The following RAB38 variants were observed in gnomAD, a reference collection of about 807,000 sequenced individuals.
The protein encoded by RAB38 is RAB38, member RAS oncogene family, also known as ras-related protein Rab-38.
A neutral mutation model predicts 18.4 loss-of-function variants in RAB38; 15 were observed. The ratio of observed to expected loss-of-function variants is 0.82; its 90% CI spans 0.55 to 1.26. The LOEUF is 1.26. Among genes scored for constraint, RAB38 ranks in the 50% most tolerant of loss-of-function variants. The pLI is 0.00. For missense variants in RAB38, 294 were observed against 267.4 expected (o/e 1.10, Z -0.69); for synonymous variants, 101 against 104.4 (o/e 0.97, Z 0.20).
At chr11:88,117,516 A>G (rs998216714) in intron 2 of RAB38, among the ~76,000 whole-genome samples, 2 of 152,222 alleles carry the variant, frequency 1.3e-5, no homozygotes, top group African/African-American at 4.8e-5. Flanking sequence ...GTGAATACCT[A>G]ATACATGTGT....
chr11:88,075,372 C>T, the RAB38 span, among the ~76,000 whole-genome samples: 1 of 151,788 alleles, frequency 6.6e-6, no homozygotes, highest in Non-Finnish European at 1.5e-5. Flanking sequence ...GGAATAAAAT[C>T]AGAAATCAAT....
the RAB38 span, among the ~76,000 whole-genome samples, chr11:88,049,686 C>T: frequency 9.9e-5 from 15 of 152,076 alleles, no homozygotes; most frequent in African/African-American, 3.4e-4. Flanking sequence ...GATCAATCCC[C>T]TCTCCTCCTG....
the RAB38 span, among the ~76,000 whole-genome samples, chr11:87,953,005 T>A: frequency 6.6e-6 from 1 of 152,314 alleles, no homozygotes; most frequent in East Asian, 1.9e-4. Context: ...ACATTAAAAT[T>A]AAAATTTTAA....
chr11:88,112,688 C>T (rs547853964), downstream of RAB38, among the ~76,000 whole-genome samples: 5 of 151,974 alleles, frequency 3.3e-5, no homozygotes, highest in Non-Finnish European at 5.9e-5. Context: ...GCAGGAGAAT[C>T]GCTTGAACCC....
the RAB38 span, among the ~76,000 whole-genome samples, chr11:88,004,049 A>C: frequency 7.1e-6 from 1 of 141,766 alleles, no homozygotes; most frequent in African/African-American, 2.6e-5. Context: ...ATATGGGAGA[A>C]GGTATATATA....
chr11:88,090,941 C>A, the RAB38 span, among the ~76,000 whole-genome samples: 1 of 151,992 alleles, frequency 6.6e-6, no homozygotes, highest in African/African-American at 2.4e-5. Context: ...AACATGTGTC[C>A]TGCCTTAAAC....
At chr11:88,110,268 C>T (rs919584308), downstream of RAB38, among the ~76,000 whole-genome samples, 1 of 151,920 alleles carries the variant, frequency 6.6e-6, no homozygotes, top group Non-Finnish European at 1.5e-5. Context: ...AACACAGGAA[C>T]AGAAAACCAA....
intron 2 of RAB38, among the ~76,000 whole-genome samples, chr11:88,127,057 T>C (rs1463993369): frequency 1.3e-5 from 2 of 152,186 alleles, no homozygotes; most frequent in African/African-American, 4.8e-5. Flanking sequence ...TAGGATGATA[T>C]GGGAGAAAAG....
chr11:87,919,732 G>C, the RAB38 span, among the ~76,000 whole-genome samples: 3 of 152,040 alleles, frequency 2.0e-5, no homozygotes, highest in African/African-American at 7.2e-5. Context: ...CTGGTCCTGA[G>C]ATTTTTCTGT....
At chr11:87,911,918 T>C in the RAB38 span, among the ~76,000 whole-genome samples, 4 of 151,954 alleles carry the variant, frequency 2.6e-5, no homozygotes, top group East Asian at 1.9e-4. Flanking sequence ...AGAAGCTTTA[T>C]TGGGAATGGA....
the RAB38 span, among the ~76,000 whole-genome samples, chr11:87,884,138 A>C: frequency 6.6e-6 from 1 of 151,954 alleles, no homozygotes; most frequent in South Asian, 2.1e-4. Context: ...ACCATCATCT[A>C]TCCTTATCTT....
chr11:87,970,928 G>A, the RAB38 span, among the ~76,000 whole-genome samples: 2 of 151,996 alleles, frequency 1.3e-5, no homozygotes, highest in South Asian at 4.1e-4. Context: ...AGGGACAAAA[G>A]GAGTCCCTGC....
intron 2 of RAB38, among the ~76,000 whole-genome samples, chr11:88,118,120 A>G (rs1006043410): frequency 1.3e-5 from 2 of 152,352 alleles, no homozygotes; most frequent in African/African-American, 4.8e-5. Flanking sequence ...ACAAGCTTGA[A>G]GCCAAATCCT....
the RAB38 span, among the ~76,000 whole-genome samples, chr11:87,901,105 A>T: frequency 2.0e-5 from 3 of 151,562 alleles, no homozygotes; most frequent in Non-Finnish European, 4.4e-5. Flanking sequence ...CTGGCTGCAC[A>T]TTGGAATCAA....
chr11:87,955,261 T>TAAAGGAAATATATTTCCTCTCTA, the RAB38 span, among the ~76,000 whole-genome samples: 1 of 152,230 alleles, frequency 6.6e-6, no homozygotes, highest in Non-Finnish European at 1.5e-5. Context: ...ATCCAAATTA[T>TAAAGGAAATATATTTCCTCTCTA]AAAGGAAATA....
At chr11:87,888,178 T>G in the RAB38 span, among the ~76,000 whole-genome samples, 6 of 151,976 alleles carry the variant, frequency 3.9e-5, no homozygotes, top group African/African-American at 1.2e-4. Flanking sequence ...ATCGAGTGAC[T>G]GCAGTTATCA....
chr11:87,946,703 C>G, the RAB38 span, among the ~76,000 whole-genome samples: 4 of 152,148 alleles, frequency 2.6e-5, no homozygotes, highest in African/African-American at 9.7e-5. Context: ...ATCCATGTCC[C>G]TACAAAGGAC....
the RAB38 span, among the ~76,000 whole-genome samples, chr11:87,891,123 ATAAT>A: frequency 3.9e-5 from 6 of 151,948 alleles, no homozygotes; most frequent in African/African-American, 1.4e-4. Context: ...TTAAAGAAAA[ATAAT>A]TACACAGGAA....
chr11:88,039,459 C>T, the RAB38 span, among the ~76,000 whole-genome samples: 1 of 151,900 alleles, frequency 6.6e-6, no homozygotes, highest in Admixed American at 6.6e-5. Flanking sequence ...AGCTAGGCAC[C>T]TAATACCCTG....
Sources: allele counts gnomAD v4.1 joint callset (sites outside exome capture counted in the v4.1 genomes callset), GRCh38; gene constraint gnomAD v4.1.1; transcripts MANE v1.5; gene names NCBI Gene and HGNC (gene_info 2026-07-23, HGNC 2026-07-21).